The following DAPK1 variants were observed in gnomAD, a reference collection of about 807,000 sequenced individuals.
The protein encoded by DAPK1 is death associated protein kinase 1, also known as death-associated protein kinase 1.
In DAPK1, 56 loss-of-function variants were observed where a neutral mutation model predicts 144.9. The observed-to-expected ratio is 0.39, with a 90% CI of 0.31 to 0.48. The LOEUF is 0.48. DAPK1 is among the 20% of genes least tolerant of loss of function. The pLI is 0.95. For missense variants in DAPK1, 1,454 were observed against 1,875.4 expected, an observed-to-expected ratio of 0.78 and a Z score of 4.15; for synonymous variants, 690 against 749.0, an observed-to-expected ratio of 0.92 and a Z score of 1.29.
intron 3 of DAPK1, among the ~76,000 whole-genome samples, chr9:87,633,883 A>C (rs1270565574): frequency 6.6e-6 from 1 of 152,152 alleles, no homozygotes; most frequent in Non-Finnish European, 1.5e-5. Flanking sequence ...AAGAGTGTGC[A>C]TGGTGTTTAT....
intron 2 of DAPK1, among the ~76,000 whole-genome samples, chr9:87,588,665 A>AT (rs1207875628): frequency 1.3e-5 from 2 of 152,168 alleles, no homozygotes; most frequent in African/African-American, 4.8e-5. Flanking sequence ...GATGCATAAA[A>AT]TATATTTCCA....
intron 19 of DAPK1, among the ~76,000 whole-genome samples, chr9:87,670,192 A>C (rs1831208428): frequency 6.6e-6 from 1 of 152,102 alleles, no homozygotes; most frequent in Non-Finnish European, 1.5e-5. Context: ...AGCAGGGGCA[A>C]GGGAGATCCC....
chr9:87,584,322 A>G (rs1587740293), intron 2 of DAPK1, among the ~76,000 whole-genome samples: 1 of 152,290 alleles, frequency 6.6e-6, no homozygotes, highest in South Asian at 2.1e-4. Context: ...ATAGTATTTC[A>G]CTGTGTATAT....
chr9:87,561,418 C>T (rs568063648), intron 2 of DAPK1, among the ~76,000 whole-genome samples: 4 of 151,756 alleles, frequency 2.6e-5, no homozygotes, highest in African/African-American at 7.3e-5. Context: ...CCCAGCTACT[C>T]GGGAGGCTGA....
At chr9:87,655,798 C>G (rs1237663349) in intron 17 of DAPK1, among the ~76,000 whole-genome samples, 1 of 152,178 alleles carries the variant, frequency 6.6e-6, no homozygotes, top group East Asian at 1.9e-4. Context: ...CCCATTTGTC[C>G]CTCTTTAAGT....
chr9:87,572,698 G>A (rs1341610121), intron 2 of DAPK1, among the ~76,000 whole-genome samples: 1 of 152,122 alleles, frequency 6.6e-6, no homozygotes, highest in African/African-American at 2.4e-5. Flanking sequence ...GCTCCCTGAG[G>A]CCTCCCCAGA....
intron 2 of DAPK1, among the ~76,000 whole-genome samples, chr9:87,520,938 A>C (rs1467775885): frequency 1.3e-5 from 2 of 152,194 alleles, no homozygotes; most frequent in Non-Finnish European, 2.9e-5. Context: ...AGGCTCACAG[A>C]ATGCTTTTAT....
chr9:87,626,719 T>C (rs1829506767), intron 3 of DAPK1, among the ~76,000 whole-genome samples: 4 of 152,236 alleles, frequency 2.6e-5, no homozygotes, highest in Non-Finnish European at 4.4e-5. Flanking sequence ...TAAACTCTTA[T>C]CTAGACCTTC....
At chr9:87,531,948 G>C (rs2118365209) in intron 2 of DAPK1, among the ~76,000 whole-genome samples, 1 of 152,298 alleles carries the variant, frequency 6.6e-6, no homozygotes, top group East Asian at 1.9e-4. Flanking sequence ...AATGCTTATG[G>C]GCCTGACTCT....
chr9:87,498,427 C>T (rs962161753), intron 1 of DAPK1: 2 of 306,476 alleles, frequency 6.5e-6, no homozygotes, highest in African/African-American at 2.2e-5. Flanking sequence ...GCCGGGTCGG[C>T]CGGGTAACGG....
intron 2 of DAPK1, among the ~76,000 whole-genome samples, chr9:87,549,825 A>G (rs139637204): frequency 2.1e-4 from 32 of 152,106 alleles, no homozygotes; most frequent in African/African-American, 6.8e-4. Flanking sequence ...AAAGTGGGGG[A>G]AAAAAGTATC....
rs115874522 is a variant in DAPK1, at chr9:87,643,541, G to A, written c.1011+73G>A. On this transcript the variant is annotated intron_variant, in intron 11 of 25. Transcript: ENST00000408954. ...TCAGAATGACCAAGCTGTTCTATTTGTTCAACCTCCCAGGAACCTGAAGTT... is the reference window on the plus strand; with the variant it reads ...TCAGAATGACCAAGCTGTTCTATTTATTCAACCTCCCAGGAACCTGAAGTT... 1,164 of 1,000,840 alleles carry A rather than the reference G, an allele frequency of 1.2e-3. 8 individuals carry two copies. The highest frequency in any genetic ancestry group is 8.2e-3 in the African/African-American group (504 of 61,466). 62.0% of individuals were successfully genotyped at this position (1,000,840 alleles called of 1,614,324 possible). A position where few individuals can be genotyped will look rare whatever the true frequency, so the allele number is the denominator to read the frequency against.
Position 87,706,310 on chromosome 9 carries a change from AGC to A in DAPK1, c.3240_3241del (p.Glu1080AspfsTer38). On this transcript the variant is annotated frameshift_variant, in exon 26 of 26. Transcript: ENST00000408954. LOFTEE classifies it high-confidence loss of function. The surrounding 1 kb of genome is among the most constrained non-coding windows in gnomAD (Gnocchi z 9.0). ...CTGGTGCCCGACAGCGACGTGGAGG[AGC>A]TGCTGCAGATCCTCGATGCCATGGA... The A allele has an allele frequency of 6.2e-7, 1 of 1,610,132 alleles. No individual in the cohort carries two copies. Among genetic ancestry groups the A allele is most frequent in the Admixed American group, 1.7e-5 (1 of 59,444 alleles).
intron 2 of DAPK1, among the ~76,000 whole-genome samples, chr9:87,519,442 G>C (rs1322129714): frequency 5.9e-5 from 9 of 152,294 alleles, no homozygotes; most frequent in Non-Finnish European, 1.2e-4. Context: ...AGGATGATTG[G>C]TTGATTTCCT....
At chr9:87,554,878 C>T (rs1186298915) in intron 2 of DAPK1, among the ~76,000 whole-genome samples, 1 of 152,144 alleles carries the variant, frequency 6.6e-6, no homozygotes, top group Non-Finnish European at 1.5e-5. Flanking sequence ...TCCTGGAGGT[C>T]ATTAAAGGGA....
intron 17 of DAPK1, among the ~76,000 whole-genome samples, chr9:87,653,239 C>T (rs1191623259): frequency 6.6e-6 from 1 of 151,444 alleles, no homozygotes; most frequent in South Asian, 2.1e-4. Flanking sequence ...AACCCGGGTC[C>T]TGATTCTGTG....
intron 2 of DAPK1, among the ~76,000 whole-genome samples, chr9:87,566,125 A>G (rs1827113512): frequency 6.7e-6 from 1 of 148,202 alleles, no homozygotes. Context: ...GGTTCACGCC[A>G]TTCTCCTGCC....
intron 2 of DAPK1, among the ~76,000 whole-genome samples, chr9:87,588,599 C>T (rs2118868125): frequency 6.6e-6 from 1 of 152,262 alleles, no homozygotes; most frequent in African/African-American, 2.4e-5. Context: ...CATTCTTTCT[C>T]CCAACTGTGC....
At chr9:87,692,723 T>G (rs1056329064) in intron 21 of DAPK1, among the ~76,000 whole-genome samples, 8 of 151,424 alleles carry the variant, frequency 5.3e-5, no homozygotes, top group Admixed American at 5.3e-4. Context: ...AAGCATTGTT[T>G]ATAGATTTGA....
Sources: allele counts gnomAD v4.1 joint callset (sites outside exome capture counted in the v4.1 genomes callset), GRCh38; gene constraint gnomAD v4.1.1; non-coding constraint Gnocchi (gnomAD v3.1); transcripts MANE v1.5; gene names NCBI Gene and HGNC (gene_info 2026-07-23, HGNC 2026-07-21).